Variants in UBAC2 observed in about 807,000 individuals in gnomAD.
UBAC2 encodes ubiquitin-associated domain-containing protein 2.
UBAC2 carries 26 observed loss-of-function variants against 44.0 expected under a neutral mutation model. That is an observed-to-expected ratio of 0.59 (90% confidence interval 0.43 to 0.82). The LOEUF is 0.82. UBAC2 is among the 40% of genes least tolerant of loss of function. The pLI, the probability that UBAC2 is intolerant of heterozygous loss-of-function variation, is 0.00. For missense variants in UBAC2, 329 were observed against 419.4 expected, an observed-to-expected ratio of 0.78 and a Z score of 1.88; for synonymous variants, 155 against 154.3, an observed-to-expected ratio of 1.00 and a Z score of -0.04.
In UBAC2 at chr13:99,295,027, T is replaced by A; in HGVS notation, c.390-19070T>A. The A allele has an allele frequency of 6.3e-7, 1 of 1,589,640 alleles. No individual in the cohort carries two copies. Among genetic ancestry groups the A allele is most frequent in the South Asian group, 1.2e-5 (1 of 86,874 alleles). ...AAGTCCTGCAAAGTTTGTCATACAGTTTACGTCACTATAAACCAAAATACA... is the reference window on the plus strand; with the variant it reads ...AAGTCCTGCAAAGTTTGTCATACAGATTACGTCACTATAAACCAAAATACA... On this transcript the variant is annotated intron_variant, in intron 4 of 8. Transcript: ENST00000403766. The surrounding 1 kb of genome is among the most constrained non-coding windows in gnomAD (Gnocchi z 4.1).
chr13:99,316,414 A>G (rs1035567334), intron 5 of UBAC2, among the ~76,000 whole-genome samples: 3 of 152,066 alleles, frequency 2.0e-5, no homozygotes, highest in East Asian at 1.9e-4. Context: ...TGAATGAATG[A>G]ATGGATGAAT....
rs546802669 is a variant in UBAC2, at chr13:99,267,114, C to T, written c.389+22490C>T. The stretch of plus-strand genomic sequence containing the variant: ...CTCATTGTGGTTTCATTTCCATTTC[C>T]GATGATGAGTGACTTCAAGAATCTT... On this transcript the variant is annotated intron_variant, in intron 4 of 8. Coordinates refer to ENST00000403766, the MANE Select transcript of UBAC2 (RefSeq NM_001144072.2). Among the ~76,000 whole-genome samples the T allele has an allele frequency of 1.3e-4, 19 of 151,978 alleles. 1 individual carries two copies. Among genetic ancestry groups the T allele is most frequent in the South Asian group, 6.2e-4 (3 of 4,806 alleles).
rs192351133 is a variant in UBAC2, at chr13:99,234,049, A to G, written c.32-4378A>G. ...AGAGCTCCCATACAAAGGGAGGTACAGGGTTATTATATAAAGTAATTATTT... is the reference window on the plus strand; with the variant it reads ...AGAGCTCCCATACAAAGGGAGGTACGGGGTTATTATATAAAGTAATTATTT... On this transcript the variant is annotated intron_variant, in intron 1 of 8. Coordinates refer to ENST00000403766, the MANE Select transcript of UBAC2 (RefSeq NM_001144072.2). 3.9e-4 allele frequency among the ~76,000 whole-genome samples: 60 copies of G among 152,128 alleles called. 1 individual carries two copies. In the East Asian group the frequency reaches 0.011, roughly 28 times the overall value.
intron 4 of UBAC2, chr13:99,296,068 A>G: frequency 5.6e-6 from 9 of 1,614,072 alleles, no homozygotes; most frequent in Non-Finnish European, 7.6e-6. Context: ...CCGTGCTGTG[A>G]TGTGCATAGA....
In UBAC2 at chr13:99,386,031, G is replaced by A. The variant is rs75653253; in HGVS notation, c.*696G>A. The A allele has an allele frequency of 3.4e-3, 511 of 152,504 alleles. 15 individuals are homozygous for A. The highest frequency in any genetic ancestry group is 6.4e-3 in the East Asian group (33 of 5,190). 9.4% of individuals were successfully genotyped at this position (152,504 alleles called of 1,614,324 possible). On this transcript the variant is annotated 3_prime_UTR_variant, in exon 9 of 9. Transcript: ENST00000403766. ...ATGGGATGGAGAAGAACAACAGCAGGCTTCCTGGAGCCACATGGGCTGACT... is the reference window on the plus strand; with the variant it reads ...ATGGGATGGAGAAGAACAACAGCAGACTTCCTGGAGCCACATGGGCTGACT...
intron 1 of UBAC2, among the ~76,000 whole-genome samples, chr13:99,214,059 T>C (rs2042963905): frequency 6.6e-6 from 1 of 152,134 alleles, no homozygotes; most frequent in Admixed American, 6.5e-5. Context: ...CCTCAAGTGA[T>C]CTGCCTGCCT....
chr13:99,350,555 G>A (rs1594158014), intron 7 of UBAC2, among the ~76,000 whole-genome samples: 1 of 152,350 alleles, frequency 6.6e-6, no homozygotes, highest in East Asian at 1.9e-4. Flanking sequence ...CTGGAGCAGG[G>A]TGCAGGGGGT....
At chr13:99,215,777 T>A in intron 1 of UBAC2, 1 of 1,021,280 alleles carries the variant, frequency 9.8e-7, no homozygotes. Context: ...CTGCTGAAGC[T>A]CAAGCAAGGC....
At chr13:99,357,777 G>A (rs187196126) in intron 7 of UBAC2, among the ~76,000 whole-genome samples, 2 of 152,196 alleles carry the variant, frequency 1.3e-5, no homozygotes, top group East Asian at 1.9e-4. Context: ...CTTCCACCCC[G>A]CCTTCATTAG....
chr13:99,325,968 T>C (rs772209273), intron 6 of UBAC2, among the ~76,000 whole-genome samples: 33 of 152,224 alleles, frequency 2.2e-4, no homozygotes, highest in Admixed American at 6.5e-4. Flanking sequence ...TGTTTCCCCA[T>C]GTTGGCTATT....
At chr13:99,283,858 C>T (rs1448525417) in intron 4 of UBAC2, among the ~76,000 whole-genome samples, 1 of 150,480 alleles carries the variant, frequency 6.6e-6, no homozygotes, top group African/African-American at 2.4e-5. Context: ...CCTCAGCCTC[C>T]TGAGTAGCTG....
At chr13:99,339,793 T>A (rs56162973) in intron 6 of UBAC2, among the ~76,000 whole-genome samples, 13,913 of 152,230 alleles carry the variant, frequency 0.091, 682 homozygotes, top group East Asian at 0.13. Flanking sequence ...GGATTTTAAA[T>A]GTCTAGAAAA....
chr13:99,302,010 T>G (rs2044264129), intron 4 of UBAC2, among the ~76,000 whole-genome samples: 1 of 152,198 alleles, frequency 6.6e-6, no homozygotes, highest in Non-Finnish European at 1.5e-5. Context: ...GGTCAAGTTG[T>G]GCTGAGATGA....
At chr13:99,322,284 T>C (rs1417342749) in intron 6 of UBAC2, among the ~76,000 whole-genome samples, 2 of 152,204 alleles carry the variant, frequency 1.3e-5, no homozygotes, top group African/African-American at 4.8e-5. Context: ...CTTACTGAAC[T>C]TCATTTAAAT....
chr13:99,208,214 C>G (rs2042897536), intron 1 of UBAC2, among the ~76,000 whole-genome samples: 1 of 152,122 alleles, frequency 6.6e-6, no homozygotes, highest in Admixed American at 6.5e-5. Flanking sequence ...TCAGGCTGGT[C>G]TTGAACTCCT....
chr13:99,217,082 C>T (rs1465050358), intron 1 of UBAC2, among the ~76,000 whole-genome samples: 1 of 152,026 alleles, frequency 6.6e-6, no homozygotes, highest in African/African-American at 2.4e-5. Context: ...CTGCCTGCCT[C>T]GGCCTCCCAA....
rs375523714 is a variant in UBAC2, at chr13:99,249,110, G to C, written c.389+4486G>C. ...GCATGATGCTGAGGTTTGGGGTACA[G>C]ATGATCCTGTCACCCAGGTAGTGAG... is the stretch of plus-strand genomic sequence containing the variant. On this transcript the variant is annotated intron_variant, in intron 4 of 8. Transcript: ENST00000403766. Among the ~76,000 whole-genome samples the C allele has an allele frequency of 5.2e-4, 79 of 152,296 alleles. 1 individual carries two copies. The Middle Eastern group carries it at 0.037, about 72-fold the overall frequency.
At chr13:99,216,834 C>CTTTTCTTT (rs955528835) in intron 1 of UBAC2, among the ~76,000 whole-genome samples, 1 of 140,624 alleles carries the variant, frequency 7.1e-6, no homozygotes, top group African/African-American at 2.7e-5. Flanking sequence ...TTTCTTTTTT[C>CTTTTCTTT]TTTTTTTTTT....
intron 4 of UBAC2, among the ~76,000 whole-genome samples, chr13:99,249,879 T>C (rs964006991): frequency 8.5e-5 from 13 of 152,226 alleles, no homozygotes; most frequent in Admixed American, 5.2e-4. Context: ...TTTTGAAAAG[T>C]ATCTGTTCAT....
Sources: allele counts gnomAD v4.1 joint callset (sites outside exome capture counted in the v4.1 genomes callset), GRCh38; gene constraint gnomAD v4.1.1; non-coding constraint Gnocchi (gnomAD v3.1); transcripts MANE v1.5; gene names NCBI Gene and HGNC (gene_info 2026-07-23, HGNC 2026-07-21).